NUP210L: variants seen among roughly 807,000 people sequenced by gnomAD.
The protein encoded by NUP210L is nuclear pore membrane glycoprotein 210-like.
Under a neutral mutation model 208.5 loss-of-function variants are expected in NUP210L, and 74 were observed. The ratio of observed to expected loss-of-function variants is 0.35; its 90% confidence interval spans 0.29 to 0.43. NUP210L has a LOEUF of 0.43. Among genes scored for constraint, NUP210L ranks in the 20% least tolerant of loss-of-function variants. The probability of loss-of-function intolerance (pLI) is 1.00; values close to 1 mark genes in which losing one functional copy is unlikely to be tolerated. For synonymous variants in NUP210L, 780 were observed against 816.9 expected (o/e 0.95, Z 0.77); for missense variants, 1,843 against 2,289.4 (o/e 0.81, Z 3.98).
rs1255057003 is a variant in NUP210L at position 153,993,001 on chromosome 1, A to G, written c.5566+14T>C. 6.2e-7 allele frequency: 1 copy of G among 1,612,540 alleles called. No individual in the cohort carries two copies. Among genetic ancestry groups the G allele is most frequent in the East Asian group, 2.2e-5 (1 of 44,862 alleles). On this transcript the variant is annotated intron_variant, in intron 39 of 39. Transcript: ENST00000368559. ...ATCTGAGCTTTTCAAAGATGAGGAC[A>G]GAGGCTTTTTTACCTGGCTGTGGTG...
intron 29 of NUP210L, among the ~76,000 whole-genome samples, chr1:154,025,958 C>G (rs906643190): frequency 6.6e-6 from 1 of 151,850 alleles, no homozygotes. Flanking sequence ...TGTGGTGGCT[C>G]ATGTCTGTAA....
intron 25 of NUP210L, among the ~76,000 whole-genome samples, chr1:154,051,812 A>G (rs952664296): frequency 6.6e-6 from 1 of 152,234 alleles, no homozygotes; most frequent in East Asian, 1.9e-4. Context: ...TCTGTTAAAC[A>G]TCACCTTTTG....
intron 15 of NUP210L, 135 bp downstream of exon 15, chr1:154,094,800 C>T: frequency 3.0e-6 from 2 of 668,466 alleles, no homozygotes; most frequent in Non-Finnish European, 5.0e-6. Flanking sequence ...AAAAAACAAT[C>T]ATTTGATCAA....
intron 10 of NUP210L, among the ~76,000 whole-genome samples, chr1:154,125,923 G>A (rs944799056): frequency 1.6e-4 from 24 of 150,908 alleles, no homozygotes; most frequent in East Asian, 9.8e-4. Flanking sequence ...GCCCGCCACC[G>A]CGCCCGGCTA....
intron 32 of NUP210L, among the ~76,000 whole-genome samples, chr1:154,019,602 G>A (rs2147924065): frequency 6.6e-6 from 1 of 152,104 alleles, no homozygotes; most frequent in South Asian, 2.1e-4. Flanking sequence ...GGAAGACTAT[G>A]GGACAATCCT....
intron 6 of NUP210L, among the ~76,000 whole-genome samples, chr1:154,137,286 C>T (rs547135814): frequency 2.3e-4 from 35 of 151,886 alleles, no homozygotes; most frequent in Non-Finnish European, 3.5e-4. Flanking sequence ...GGAGTGATGG[C>T]TCACGCCTGT....
At chr1:154,130,912 G>A (rs535093706) in intron 7 of NUP210L, among the ~76,000 whole-genome samples, 1 of 152,024 alleles carries the variant, frequency 6.6e-6, no homozygotes, top group South Asian at 2.1e-4. Context: ...ATACTTTATG[G>A]TAACTCTGTG....
At chr1:154,004,602 C>T (rs1000692644) in intron 35 of NUP210L, among the ~76,000 whole-genome samples, 8 of 151,700 alleles carry the variant, frequency 5.3e-5, no homozygotes, top group Non-Finnish European at 1.0e-4. Flanking sequence ...ATGATCTGCC[C>T]ACCTCAGCCT....
At chr1:154,069,194 A>T (rs1654575886) in intron 17 of NUP210L, among the ~76,000 whole-genome samples, 1 of 152,170 alleles carries the variant, frequency 6.6e-6, no homozygotes, top group Non-Finnish European at 1.5e-5. Flanking sequence ...AAATAGACAA[A>T]TGGGATCTAA....
chr1:154,007,796 G>A (rs1304148833), intron 35 of NUP210L, among the ~76,000 whole-genome samples: 2 of 150,458 alleles, frequency 1.3e-5, no homozygotes, highest in African/African-American at 4.9e-5. Flanking sequence ...GGATGGTCTC[G>A]GTCTCCTGAC....
At chr1:154,023,743 G>C (rs1651693355) in intron 30 of NUP210L, among the ~76,000 whole-genome samples, 1 of 151,644 alleles carries the variant, frequency 6.6e-6, no homozygotes, top group African/African-American at 2.4e-5. Context: ...CTCCCAAAGT[G>C]TTGGAATTAT....
At chr1:154,037,667 T>C (rs1293220703) in intron 27 of NUP210L, among the ~76,000 whole-genome samples, 1 of 152,068 alleles carries the variant, frequency 6.6e-6, no homozygotes, top group Admixed American at 6.6e-5. Context: ...TTTTATTTTA[T>C]TTTATTTTAT....
chr1:154,017,799 A>T (rs1278517146), intron 33 of NUP210L, among the ~76,000 whole-genome samples: 1 of 151,974 alleles, frequency 6.6e-6, no homozygotes, highest in Admixed American at 6.6e-5. Context: ...TAGAGGCGTG[A>T]GCCACGGCAC....
chr1:154,074,768 C>T (rs536887526), intron 16 of NUP210L, among the ~76,000 whole-genome samples: 2 of 152,258 alleles, frequency 1.3e-5, no homozygotes, highest in South Asian at 2.1e-4. Context: ...GGATTACAGG[C>T]GTAAGCCACC....
chr1:154,081,597 G>C (rs1218103965), intron 16 of NUP210L, among the ~76,000 whole-genome samples: 3 of 152,334 alleles, frequency 2.0e-5, no homozygotes, highest in African/African-American at 7.2e-5. Context: ...CCAGGGAAAA[G>C]AGGAGGGCTG....
At chr1:154,062,405 A>G (rs1654184222) in intron 17 of NUP210L, among the ~76,000 whole-genome samples, 1 of 152,068 alleles carries the variant, frequency 6.6e-6, no homozygotes, top group African/African-American at 2.4e-5. Flanking sequence ...GTCACTTAGC[A>G]AAGTGTTTAA....
intron 36 of NUP210L, 44 bp downstream of exon 36, chr1:154,001,691 A>C (rs1650220939): frequency 6.3e-7 from 1 of 1,592,278 alleles, no homozygotes; most frequent in Non-Finnish European, 8.6e-7. Flanking sequence ...TATCTTTTCA[A>C]ATTCCTGATC....
At chr1:154,105,076 C>G (rs535365264) in intron 12 of NUP210L, among the ~76,000 whole-genome samples, 1 of 152,280 alleles carries the variant, frequency 6.6e-6, no homozygotes, top group East Asian at 1.9e-4. Flanking sequence ...CACAAGGCCC[C>G]CATTTCAGAC....
chr1:154,054,368 G>A lies in NUP210L; in HGVS notation c.3343C>T (p.His1115Tyr), dbSNP rs773344447. Residue 1115 changes from histidine to tyrosine, a missense_variant, in exon 25 of 40, where the codon CAC becomes TAC. By Grantham distance (83) the His-to-Tyr change is moderately conservative. Transcript: ENST00000368559. ...ACGGTCTGATTACTGATGGAGAAGT[G>A]AACGATGGATTGGGGCTGGGGGCCA... is the stretch of plus-strand genomic sequence containing the variant. The A allele has an allele frequency of 1.9e-6, 3 of 1,614,168 alleles. No homozygotes were observed. The highest frequency in any genetic ancestry group is 2.2e-5 in the East Asian group (1 of 44,882).
Sources: allele counts gnomAD v4.1 joint callset (sites outside exome capture counted in the v4.1 genomes callset), GRCh38; gene constraint gnomAD v4.1.1; transcripts MANE v1.5; gene names NCBI Gene and HGNC (gene_info 2026-07-23, HGNC 2026-07-21).